SCIMP: variants seen among roughly 807,000 people sequenced by gnomAD.
SCIMP encodes SLP adapter and CSK-interacting membrane protein.
A neutral mutation model predicts 22.0 loss-of-function variants in SCIMP; 18 were observed. The ratio of observed to expected loss-of-function variants is 0.82; its 90% CI spans 0.56 to 1.21. The LOEUF (loss-of-function observed/expected upper bound fraction) is 1.21, where lower values mean the gene tolerates loss of function less well. SCIMP is among the 50% of genes most tolerant of loss of function. The probability of loss-of-function intolerance (pLI) is 0.00; values close to 1 mark genes in which losing one functional copy is unlikely to be tolerated. For synonymous variants in SCIMP, 53 were observed against 62.2 expected (o/e 0.85, Z 0.70); for missense variants, 155 against 171.2 (o/e 0.91, Z 0.53).
chr17:5,229,261 G>C (rs1464211508), intron 1 of SCIMP, among the ~76,000 whole-genome samples: 1 of 152,100 alleles, frequency 6.6e-6, no homozygotes, highest in Non-Finnish European at 1.5e-5. Context: ...GAGTGGGAGA[G>C]CAACTGAAGG....
intron 1 of SCIMP, among the ~76,000 whole-genome samples, chr17:5,226,996 G>A (rs757175274): frequency 6.6e-6 from 1 of 152,026 alleles, no homozygotes; most frequent in Non-Finnish European, 1.5e-5. Context: ...AGAAAACAGG[G>A]AGTACACAAT....
In SCIMP at chr17:5,214,728, T is replaced by G. The variant is rs566899700; in HGVS notation, c.283+197A>C. 1.8e-3 allele frequency: 929 copies of G among 511,086 alleles called. 13 individuals are homozygous for G. The highest frequency in any genetic ancestry group is 0.017 in the African/African-American group (854 of 49,908). 31.7% of individuals were successfully genotyped at this position (511,086 alleles called of 1,614,324 possible). A position where few individuals can be genotyped will look rare whatever the true frequency, so the allele number is the denominator to read the frequency against. ...GGTGGCGGGTGCCTGTAGTCCCAGC[T>G]ACTCCGGAGGCTGAGGTAGGAGAAT... On this transcript the variant is annotated intron_variant, in intron 4 of 4. Transcript: ENST00000574081.
rs182681047 is a variant in SCIMP, at chr17:5,221,052, C to T, written c.209+235G>A. The T allele has an allele frequency of 2.9e-4, 180 of 612,700 alleles. 1 individual carries two copies. The East Asian group carries it at 4.4e-3, about 15-fold the overall frequency. 38.0% of individuals were successfully genotyped at this position (612,700 alleles called of 1,614,324 possible). ...CAGCCTGGGCGACAGAGCAAGACTC[C>T]ATCTCAAAAAAAAAAAAAAGAGAGA... is the stretch of plus-strand genomic sequence containing the variant. On this transcript the variant is annotated intron_variant, in intron 3 of 4. Transcript: ENST00000574081.
At position 5,226,667 on chromosome 17, in the gene SCIMP, G is replaced by C. The variant is rs188115535; in HGVS notation, c.22-3211C>G. On this transcript the variant is annotated intron_variant, in intron 1 of 4. Coordinates refer to ENST00000574081, the MANE Select transcript of SCIMP (RefSeq NM_207103.3). The stretch of plus-strand genomic sequence containing the variant: ...ATTACAGGTGTGTGCCACCATGCCC[G>C]GCTAATTTTTTTTGTATTTTTAGTA... 5.0e-3 allele frequency among the ~76,000 whole-genome samples: 759 copies of C among 151,572 alleles called. 7 individuals carry two copies. The highest frequency in any genetic ancestry group is 6.8e-3 in the Middle Eastern group (2 of 294).
At chr17:5,228,083 A>G (rs2074665073) in intron 1 of SCIMP, among the ~76,000 whole-genome samples, 1 of 151,096 alleles carries the variant, frequency 6.6e-6, no homozygotes, top group Admixed American at 6.6e-5. Context: ...GAGGCAGGAG[A>G]ATTGCTTGAC....
chr17:5,234,849 G>A lies in SCIMP; in HGVS notation c.-94C>T, dbSNP rs946510065. 9.7e-6 allele frequency: 15 copies of A among 1,553,636 alleles called. No homozygotes were observed. Among genetic ancestry groups the A allele is most frequent in the Non-Finnish European group, 1.3e-5 (15 of 1,149,570 alleles). ...CCTCACTCACAGGCCTTCACCCACT[G>A]CTAGAGACAGTGAGCCCCATCCTGA... On this transcript the variant is annotated 5_prime_UTR_variant, in exon 1 of 5. Transcript: ENST00000574081.
At chr17:5,231,088 G>A (rs192023442) in intron 1 of SCIMP, among the ~76,000 whole-genome samples, 4 of 150,812 alleles carry the variant, frequency 2.7e-5, no homozygotes, top group East Asian at 2.0e-4. Context: ...GGCTGGGCAC[G>A]GTGGCTCACG....
chr17:5,219,539 A>C (rs1399424560), intron 3 of SCIMP, among the ~76,000 whole-genome samples: 2 of 151,710 alleles, frequency 1.3e-5, no homozygotes, highest in African/African-American at 4.9e-5. Context: ...GAGGCAGGAG[A>C]AGCACTTGAA....
chr17:5,221,313 C>T lies in SCIMP; in HGVS notation c.183G>A (p.Lys61=). The change falls in exon 3 of 5, where the codon AAG becomes AAA. Residue 61 remains lysine, a synonymous_variant. Coordinates refer to ENST00000574081, the MANE Select transcript of SCIMP (RefSeq NM_207103.3). The part of the protein sequence containing the change: ...KWEIAKPLKH[K]QVDEEKMYEN... ...CATACATCTTTTCTTCATCTACTTGCTTGTGTTTCAGGGGCTTGGCAATTT... is the reference window on the plus strand; with the variant it reads ...CATACATCTTTTCTTCATCTACTTGTTTGTGTTTCAGGGGCTTGGCAATTT... 1.9e-6 allele frequency: 3 copies of T among 1,613,654 alleles called. No homozygotes were observed. Among genetic ancestry groups the T allele is most frequent in the Non-Finnish European group, 2.5e-6 (3 of 1,179,588 alleles).
At chr17:5,227,292 AACAC>A (rs10681110) in intron 1 of SCIMP, among the ~76,000 whole-genome samples, 1,579 of 144,290 alleles carry the variant, frequency 0.011, 24 homozygotes, top group African/African-American at 0.035. Context: ...ACACACACAC[AACAC>A]ACACACACAC....
At chr17:5,232,012 C>T (rs991347905) in intron 1 of SCIMP, among the ~76,000 whole-genome samples, 10 of 151,960 alleles carry the variant, frequency 6.6e-5, no homozygotes, top group South Asian at 2.1e-4. Flanking sequence ...GCCGAGATTG[C>T]GCCACTGCAC....
At chr17:5,218,439 A>G (rs549098417) in intron 3 of SCIMP, among the ~76,000 whole-genome samples, 78 of 151,942 alleles carry the variant, frequency 5.1e-4, no homozygotes, top group African/African-American at 1.8e-3. Context: ...TCCTGGGTTC[A>G]AGCAATTCTC....
chr17:5,210,600 T>C lies in SCIMP; in HGVS notation c.*201A>G, dbSNP rs1231409851. 8.1e-6 allele frequency: 5 copies of C among 616,942 alleles called. No individual in the cohort carries two copies. In the East Asian group the frequency reaches 1.3e-4, roughly 16 times the overall value. The allele number at this position is 616,942 out of a possible 1,614,324, so 38.2% of individuals were successfully genotyped here. A position where few individuals can be genotyped will look rare whatever the true frequency, so the allele number is the denominator to read the frequency against. ...CTAAGTCCTCAGAGCCGAGCACCCA[T>C]GTGTCTCCTCTGGCTGCAGTCATCC... On this transcript the variant is annotated 3_prime_UTR_variant, in exon 5 of 5. Transcript: ENST00000574081.
In SCIMP at chr17:5,215,117, C is replaced by T. The variant is rs116020969; in HGVS notation, c.210-119G>A. 3.0e-3 allele frequency: 2,029 copies of T among 685,520 alleles called. 32 individuals carry two copies. The African/African-American group carries it at 0.031, about 11-fold the overall frequency. The allele number at this position is 685,520 out of a possible 1,614,324, so 42.5% of individuals were successfully genotyped here. On this transcript the variant is annotated intron_variant, in intron 3 of 4. Transcript: ENST00000574081. ...TTGAACATTCAAATCTTGGTCTCTA[C>T]TAATTGGAAGCATTTCCTTTCCTTT...
chr17:5,224,303 T>G (rs2074631160), intron 1 of SCIMP, among the ~76,000 whole-genome samples: 1 of 151,546 alleles, frequency 6.6e-6, no homozygotes, highest in Non-Finnish European at 1.5e-5. Context: ...CCCGGCTGAT[T>G]TTTTTGTATT....
Position 5,234,692 on chromosome 17 carries a change from G to A in SCIMP, c.21+43C>T, listed in dbSNP as rs1026725595. ...GCCAGCGCTGGCAGATGTCTGCTGT[G>A]AAGAGAGCAGGAAACTGTCCCTTGG... On this transcript the variant is annotated intron_variant, in intron 1 of 4. Transcript: ENST00000574081. The A allele has an allele frequency of 1.3e-5, 21 of 1,604,454 alleles. No individual in the cohort carries two copies. In the African/African-American group the frequency reaches 2.8e-4, roughly 21 times the overall value.
intron 1 of SCIMP, 27 bp from the exon 2 acceptor site, chr17:5,223,483 A>G: frequency 6.2e-7 from 1 of 1,611,536 alleles, no homozygotes; most frequent in Non-Finnish European, 8.5e-7. Context: ...GAGAAGAATG[A>G]GGTATGAATG....
chr17:5,233,573 A>G (rs2074719615), intron 1 of SCIMP, among the ~76,000 whole-genome samples: 1 of 152,066 alleles, frequency 6.6e-6, no homozygotes, highest in Non-Finnish European at 1.5e-5. Context: ...GGGTTTCACC[A>G]TGTTGGCCAG....
chr17:5,211,548 A>G (rs1471676251), intron 4 of SCIMP, among the ~76,000 whole-genome samples: 4 of 152,118 alleles, frequency 2.6e-5, no homozygotes, highest in African/African-American at 9.7e-5. Context: ...GAATGGATGA[A>G]AAGAAACAGA....
Sources: gnomAD v4.1 joint callset for allele counts (sites outside exome capture counted in the v4.1 genomes callset) on GRCh38, gnomAD v4.1.1 for gene constraint, MANE v1.5 for transcripts, NCBI Gene and HGNC (gene_info 2026-07-23, HGNC 2026-07-21) for gene names.